GRAMD2B: variants seen among roughly 807,000 people sequenced by gnomAD.
The protein encoded by GRAMD2B is GRAM domain-containing protein 2B.
GRAMD2B carries 41 observed loss-of-function variants against 59.2 expected under a neutral mutation model. The observed-to-expected ratio is 0.69, with a 90% CI of 0.54 to 0.90. The LOEUF is 0.90. Among genes scored for constraint, GRAMD2B ranks in the 40% least tolerant of loss-of-function variants. GRAMD2B has a pLI of 0.00. For synonymous variants in GRAMD2B, 161 were observed against 182.7 expected (o/e 0.88, Z 0.96); for missense variants, 424 against 500.5 (o/e 0.85, Z 1.46).
chr5:126,446,311 T>C (rs1367856815), intron 1 of GRAMD2B, among the ~76,000 whole-genome samples: 1 of 152,176 alleles, frequency 6.6e-6, no homozygotes, highest in Non-Finnish European at 1.5e-5. Context: ...TACAGGTATA[T>C]AGATGAAACA....
At chr5:126,370,184 G>T (rs10478726), upstream of GRAMD2B, among the ~76,000 whole-genome samples, 54,135 of 151,950 alleles carry the variant, frequency 0.36, 9,964 homozygotes, top group Admixed American at 0.42. Context: ...AGAAAACTCA[G>T]CAGGAAAATA....
chr5:126,454,268 A>G (rs1765880719), intron 1 of GRAMD2B, among the ~76,000 whole-genome samples: 1 of 152,200 alleles, frequency 6.6e-6, no homozygotes, highest in Admixed American at 6.5e-5. Flanking sequence ...GAGCAGTGGC[A>G]TGACATAATG....
upstream of GRAMD2B, among the ~76,000 whole-genome samples, chr5:126,422,805 A>G (rs920029331): frequency 1.3e-5 from 2 of 152,228 alleles, no homozygotes; most frequent in Non-Finnish European, 2.9e-5. Flanking sequence ...ACTATGGGCA[A>G]CAAAGAGACG....
chr5:126,442,218 T>C (rs554621701), intron 1 of GRAMD2B, among the ~76,000 whole-genome samples: 2 of 152,070 alleles, frequency 1.3e-5, no homozygotes, highest in South Asian at 4.1e-4. Flanking sequence ...TTCACCTGAA[T>C]ATTTACATCA....
intron 1 of GRAMD2B, among the ~76,000 whole-genome samples, chr5:126,435,246 T>C (rs961336686): frequency 6.6e-6 from 1 of 152,176 alleles, no homozygotes; most frequent in Non-Finnish European, 1.5e-5. Context: ...AATTAAATGC[T>C]GTGAGGATAG....
At chr5:126,389,099 C>T (rs1055495021) in intron 1 of GRAMD2B, among the ~76,000 whole-genome samples, 3 of 152,102 alleles carry the variant, frequency 2.0e-5, no homozygotes, top group African/African-American at 7.2e-5. Context: ...GTTAAGAGCC[C>T]CAACTTCTTA....
At chr5:126,417,247 T>C (rs896041737) in intron 1 of GRAMD2B, among the ~76,000 whole-genome samples, 5 of 152,242 alleles carry the variant, frequency 3.3e-5, no homozygotes, top group Non-Finnish European at 5.9e-5. Flanking sequence ...AAAAGCTGCA[T>C]GACCTCCAAC....
At chr5:126,449,987 C>T (rs757451578) in intron 1 of GRAMD2B, among the ~76,000 whole-genome samples, 5 of 151,964 alleles carry the variant, frequency 3.3e-5, no homozygotes, top group South Asian at 2.1e-4. Context: ...TTTGGACTCC[C>T]GTAGTAACTT....
intron 1 of GRAMD2B, among the ~76,000 whole-genome samples, chr5:126,361,806 T>C (rs1419209862): frequency 6.6e-6 from 1 of 152,222 alleles, no homozygotes; most frequent in Non-Finnish European, 1.5e-5. Flanking sequence ...ATGTCTTTCC[T>C]GTCTGGGTTA....
At chr5:126,488,283 T>C (rs1345488802) in intron 12 of GRAMD2B, among the ~76,000 whole-genome samples, 1 of 152,198 alleles carries the variant, frequency 6.6e-6, no homozygotes, top group Non-Finnish European at 1.5e-5. Context: ...GCACAGTGGC[T>C]CACGCCTGAT....
At chr5:126,450,644 C>G (rs1477958987) in intron 1 of GRAMD2B, among the ~76,000 whole-genome samples, 1 of 130,444 alleles carries the variant, frequency 7.7e-6, no homozygotes, top group Non-Finnish European at 1.6e-5. Context: ...GTCCATCCAG[C>G]CTGCTGTTAA....
intron 1 of GRAMD2B, among the ~76,000 whole-genome samples, chr5:126,410,932 C>A (rs2149756951): frequency 6.6e-6 from 1 of 152,054 alleles, no homozygotes; most frequent in African/African-American, 2.4e-5. Flanking sequence ...CTGGTCATGT[C>A]TTTTGCTCAT....
intron 1 of GRAMD2B, among the ~76,000 whole-genome samples, chr5:126,432,380 A>G (rs753022549): frequency 3.9e-5 from 6 of 152,222 alleles, no homozygotes; most frequent in African/African-American, 7.2e-5. Flanking sequence ...GAAAAACAGT[A>G]TGCTAATTTT....
intron 5 of GRAMD2B, among the ~76,000 whole-genome samples, chr5:126,473,703 T>C (rs1376798166): frequency 2.0e-5 from 3 of 152,224 alleles, no homozygotes; most frequent in African/African-American, 4.8e-5. Context: ...GGGTGTGCCA[T>C]GATTTTCAAA....
In GRAMD2B at chr5:126,444,073, C is replaced by A. The variant is rs1414851858; in HGVS notation, c.83+20384C>A. Among the ~76,000 whole-genome samples, 3 of 151,596 alleles carry A rather than the reference C, an allele frequency of 2.0e-5. No individual in the cohort carries two copies. The East Asian group carries it at 5.8e-4, about 29-fold the overall frequency. On this transcript the variant is annotated intron_variant, in intron 1 of 13. Coordinates refer to ENST00000285689, the MANE Select transcript of GRAMD2B (RefSeq NM_023927.4). ...ATCTCAAAAAAAAAAAAGAGAGAGG[C>A]CTTCCAGCACTCCACCACCACTAAT...
chr5:126,372,708 G>A (rs1170873013), intron 1 of GRAMD2B, among the ~76,000 whole-genome samples: 1 of 151,810 alleles, frequency 6.6e-6, no homozygotes, highest in African/African-American at 2.4e-5. Context: ...ATAATTCTGT[G>A]ATTTAAAATG....
At position 126,492,955 on chromosome 5, in the gene GRAMD2B, G is replaced by A; in HGVS notation, c.1298G>A (p.Ter433=). ...NLQKLLENGD[*] is the part of the protein sequence containing the mutation. ...CAGAAGTTGCTTGAGAATGGTGACT[G>A]ATCGACCAGATTGCTTGGGCCATCG... The change falls in exon 14 of 14, where the codon TGA becomes TAA. Residue 433 remains the stop codon, a stop_retained_variant. Coordinates refer to ENST00000285689, the MANE Select transcript of GRAMD2B (RefSeq NM_023927.4). The A allele has an allele frequency of 6.2e-7, 1 of 1,611,718 alleles. No homozygotes were observed. The highest frequency in any genetic ancestry group is 8.5e-7 in the Non-Finnish European group (1 of 1,177,940).
chr5:126,447,244 CA>C (rs1764412874), intron 1 of GRAMD2B, among the ~76,000 whole-genome samples: 1 of 152,210 alleles, frequency 6.6e-6, no homozygotes, highest in Admixed American at 6.5e-5. Context: ...ATCCAAACCC[CA>C]GCAGAAAACT....
intron 3 of GRAMD2B, among the ~76,000 whole-genome samples, chr5:126,470,147 CTG>C (rs1769273843): frequency 6.6e-6 from 1 of 152,120 alleles, no homozygotes. Flanking sequence ...GATAAGGCAC[CTG>C]CCTGAATAGT....
Sources: gnomAD v4.1 joint callset for allele counts (sites outside exome capture counted in the v4.1 genomes callset) on GRCh38, gnomAD v4.1.1 for gene constraint, MANE v1.5 for transcripts, NCBI Gene and HGNC (gene_info 2026-07-23, HGNC 2026-07-21) for gene names.